The following DCDC2 variants were observed in gnomAD, a reference collection of about 807,000 sequenced individuals.
DCDC2 encodes doublecortin domain-containing protein 2.
In DCDC2, 40 loss-of-function variants were observed where a neutral mutation model predicts 50.2. The observed-to-expected ratio is 0.80, with a 90% CI of 0.62 to 1.04. The LOEUF (loss-of-function observed/expected upper bound fraction) is 1.04. Ranked by LOEUF, DCDC2 falls within the 50% of genes least tolerant of loss-of-function variation. DCDC2 has a pLI of 0.00. For missense variants in DCDC2, 570 were observed against 581.9 expected (o/e 0.98, Z 0.21); for synonymous variants, 234 against 210.6 (o/e 1.11, Z -0.96).
At chr6:24,291,631 G>A (rs1362857580) in intron 4 of DCDC2, among the ~76,000 whole-genome samples, 4 of 150,162 alleles carry the variant, frequency 2.7e-5, no homozygotes, top group African/African-American at 7.3e-5. Context: ...GACTACAGGC[G>A]CCCGCCACTA....
chr6:24,235,503 C>T (rs1359431276), intron 7 of DCDC2, among the ~76,000 whole-genome samples: 2 of 152,148 alleles, frequency 1.3e-5, no homozygotes, highest in African/African-American at 2.4e-5. Context: ...ATACACAAAT[C>T]AATAAATATG....
At chr6:24,308,962 C>T (rs1486205603) in intron 2 of DCDC2, among the ~76,000 whole-genome samples, 8 of 151,932 alleles carry the variant, frequency 5.3e-5, no homozygotes, top group African/African-American at 1.2e-4. Flanking sequence ...TCTTCAAACA[C>T]GGAAAATAAT....
At chr6:24,249,001 G>A (rs1427287919) in intron 7 of DCDC2, among the ~76,000 whole-genome samples, 1 of 152,022 alleles carries the variant, frequency 6.6e-6, no homozygotes, top group Non-Finnish European at 1.5e-5. Context: ...ATAATTTTAG[G>A]TATTTGTTTT....
intron 8 of DCDC2, among the ~76,000 whole-genome samples, chr6:24,179,720 C>T (rs1208220592): frequency 6.0e-5 from 9 of 150,308 alleles, no homozygotes; most frequent in East Asian, 2.0e-4. Context: ...TTTGGGAGGC[C>T]GAGGCGGGCA....
chr6:24,191,569 A>G (rs1761315220), intron 8 of DCDC2, among the ~76,000 whole-genome samples: 1 of 152,172 alleles, frequency 6.6e-6, no homozygotes, highest in African/African-American at 2.4e-5. Context: ...CCTGCTAAAG[A>G]GATACAGATG....
chr6:24,287,137 G>A (rs1458501966), intron 6 of DCDC2, among the ~76,000 whole-genome samples: 1 of 152,104 alleles, frequency 6.6e-6, no homozygotes, highest in African/African-American at 2.4e-5. Flanking sequence ...TCTTCATTCT[G>A]CTATTCAAGG....
intron 7 of DCDC2, among the ~76,000 whole-genome samples, chr6:24,254,430 A>C (rs1464414257): frequency 6.6e-6 from 1 of 152,156 alleles, no homozygotes; most frequent in African/African-American, 2.4e-5. Flanking sequence ...CCACAAACAC[A>C]TGACTAATGA....
At chr6:24,336,415 C>T (rs188068069) in intron 2 of DCDC2, among the ~76,000 whole-genome samples, 26 of 152,182 alleles carry the variant, frequency 1.7e-4, no homozygotes, top group African/African-American at 3.1e-4. Flanking sequence ...ATTATGCAAA[C>T]CCTAAACATG....
At chr6:24,203,123 T>C (rs1761624905) in intron 8 of DCDC2, among the ~76,000 whole-genome samples, 1 of 152,080 alleles carries the variant, frequency 6.6e-6, no homozygotes, top group African/African-American at 2.4e-5. Context: ...TTCACAAAAT[T>C]GGAAAAAACT....
intron 7 of DCDC2, among the ~76,000 whole-genome samples, chr6:24,227,780 A>C (rs546935680): frequency 6.6e-6 from 1 of 152,290 alleles, no homozygotes; most frequent in African/African-American, 2.4e-5. Flanking sequence ...ACCCTGCCTG[A>C]CCAATATTCA....
At chr6:24,304,023 C>T (rs1006285325) in intron 2 of DCDC2, among the ~76,000 whole-genome samples, 1 of 152,196 alleles carries the variant, frequency 6.6e-6, no homozygotes, top group Non-Finnish European at 1.5e-5. Flanking sequence ...TAAAACAGTG[C>T]TTGGCAATGC....
At chr6:24,280,459 G>A (rs1763447021) in intron 6 of DCDC2, among the ~76,000 whole-genome samples, 1 of 151,216 alleles carries the variant, frequency 6.6e-6, no homozygotes, top group Non-Finnish European at 1.5e-5. Context: ...TACGATTATA[G>A]CAGAAGTTCC....
intron 2 of DCDC2, among the ~76,000 whole-genome samples, chr6:24,304,409 G>A (rs1759433671): frequency 6.6e-6 from 1 of 152,172 alleles, no homozygotes; most frequent in Non-Finnish European, 1.5e-5. Flanking sequence ...CTTGAAACCG[G>A]GAGGCAGAGG....
At chr6:24,258,794 C>A (rs143402237) in intron 7 of DCDC2, among the ~76,000 whole-genome samples, 18 of 152,264 alleles carry the variant, frequency 1.2e-4, no homozygotes, top group Middle Eastern at 3.4e-3. Flanking sequence ...CTTGAACCAA[C>A]CAATCAGAGC....
At chr6:24,256,348 TATG>T (rs893431628) in intron 7 of DCDC2, among the ~76,000 whole-genome samples, 6 of 151,390 alleles carry the variant, frequency 4.0e-5, no homozygotes, top group African/African-American at 1.5e-4. Flanking sequence ...TAAAAATACT[TATG>T]ATTTAAGCAC....
upstream of DCDC2, chr6:24,358,156 TG>T: frequency 2.1e-6 from 1 of 475,238 alleles, no homozygotes; most frequent in Non-Finnish European, 3.8e-6. Context: ...ACAAATATGG[TG>T]AAACCCAATT....
chr6:24,243,226 T>C (rs1226933483), intron 7 of DCDC2, among the ~76,000 whole-genome samples: 1 of 152,184 alleles, frequency 6.6e-6, no homozygotes, highest in Non-Finnish European at 1.5e-5. Context: ...ACCCTGGGCT[T>C]ACAAACATGT....
At chr6:24,301,432 A>G (rs1759372639) in intron 4 of DCDC2, among the ~76,000 whole-genome samples, 2 of 151,854 alleles carry the variant, frequency 1.3e-5, no homozygotes, top group African/African-American at 2.4e-5. Context: ...CTTCTCAACT[A>G]AAGTTATGTT....
chr6:24,241,723 C>T (rs1244875163), intron 7 of DCDC2, among the ~76,000 whole-genome samples: 1 of 152,194 alleles, frequency 6.6e-6, no homozygotes, highest in African/African-American at 2.4e-5. Flanking sequence ...TTTAGATAAG[C>T]CACCTTCCCC....
Sources: allele counts gnomAD v4.1 joint callset (sites outside exome capture counted in the v4.1 genomes callset), GRCh38; gene constraint gnomAD v4.1.1; transcripts MANE v1.5; gene names NCBI Gene and HGNC (gene_info 2026-07-23, HGNC 2026-07-21).